DPP6: variants seen among roughly 807,000 people sequenced by gnomAD.
The protein encoded by DPP6 is A-type potassium channel modulatory protein DPP6.
DPP6 carries 69 observed loss-of-function variants against 122.6 expected under a neutral mutation model. That is an observed-to-expected ratio of 0.56 (90% CI 0.46 to 0.69). The LOEUF (loss-of-function observed/expected upper bound fraction) is 0.69, where lower values mean the gene tolerates loss of function less well. DPP6 is among the 30% of genes least tolerant of loss of function. The pLI is 0.00. For synonymous variants in DPP6, 418 were observed against 433.1 expected, an observed-to-expected ratio of 0.97 and a Z score of 0.43; for missense variants, 928 against 1,116.9, an observed-to-expected ratio of 0.83 and a Z score of 2.41.
intron 1 of DPP6, among the ~76,000 whole-genome samples, chr7:154,074,114 T>G (rs1173534974): frequency 1.1e-4 from 13 of 115,344 alleles, no homozygotes; most frequent in African/African-American, 4.0e-4. Flanking sequence ...GATAGAGAGA[T>G]ATATATAGAT....
intron 1 of DPP6, among the ~76,000 whole-genome samples, chr7:153,937,136 C>T (rs1371452885): frequency 6.6e-6 from 1 of 152,138 alleles, no homozygotes; most frequent in Non-Finnish European, 1.5e-5. Context: ...AGGAGAACCC[C>T]TTGACTCAGG....
intron 1 of DPP6, among the ~76,000 whole-genome samples, chr7:153,974,759 G>A (rs1171727064): frequency 2.6e-5 from 4 of 152,148 alleles, no homozygotes; most frequent in East Asian, 1.9e-4. Flanking sequence ...GAAGTCAAGC[G>A]CTGTGTCATC....
intron 1 of DPP6, among the ~76,000 whole-genome samples, chr7:154,178,035 A>C (rs536383747): frequency 6.6e-6 from 1 of 152,010 alleles, no homozygotes; most frequent in East Asian, 1.9e-4. Flanking sequence ...GAGTGGTTTC[A>C]CTCCTTTCAC....
At chr7:154,436,079 A>C (rs1674760371) in intron 1 of DPP6, among the ~76,000 whole-genome samples, 1 of 152,076 alleles carries the variant, frequency 6.6e-6, no homozygotes, top group African/African-American at 2.4e-5. Context: ...GAACTGAATA[A>C]TTAATATCTG....
chr7:154,784,702 A>G (rs1797234459), intron 10 of DPP6, among the ~76,000 whole-genome samples: 2 of 152,106 alleles, frequency 1.3e-5, no homozygotes, highest in Admixed American at 1.3e-4. Flanking sequence ...GTGACTCTGG[A>G]GAGCTCCATC....
chr7:153,827,090 A>C, the DPP6 span, among the ~76,000 whole-genome samples: 1 of 152,126 alleles, frequency 6.6e-6, no homozygotes, highest in Non-Finnish European at 1.5e-5. Context: ...GAAGGCATAA[A>C]TAAAAAAGTT....
At chr7:154,062,012 G>A (rs1454269872) in intron 1 of DPP6, among the ~76,000 whole-genome samples, 9 of 90,316 alleles carry the variant, frequency 1.0e-4, no homozygotes, top group African/African-American at 3.3e-4. Context: ...TACCCCCATC[G>A]CAGGGGGGGG....
chr7:153,913,113 C>T (rs757744841), intron 1 of DPP6, among the ~76,000 whole-genome samples: 22 of 152,168 alleles, frequency 1.4e-4, no homozygotes, highest in Non-Finnish European at 2.8e-4. Flanking sequence ...CTCACTCTGT[C>T]GCCCAGACTG....
intron 7 of DPP6, among the ~76,000 whole-genome samples, chr7:154,700,553 C>T (rs187602315): frequency 1.3e-5 from 2 of 152,324 alleles, no homozygotes; most frequent in East Asian, 1.9e-4. Flanking sequence ...TGCTGTTGCA[C>T]GTGATTTTCT....
chr7:153,954,623 A>AACTTCAAAT (rs1802374015), intron 1 of DPP6, among the ~76,000 whole-genome samples: 1 of 152,168 alleles, frequency 6.6e-6, no homozygotes, highest in African/African-American at 2.4e-5. Flanking sequence ...TACATCAGTG[A>AACTTCAAAT]ACTTCAAATA....
Position 154,023,357 on chromosome 7 carries a change from C to CACACACACACACACACACACACAT in DPP6, c.51+135627_51+135628insACACACACACACACACACATACAC, listed in dbSNP as rs1563109429. On this transcript the variant is annotated intron_variant, in intron 1 of 25. Coordinates refer to the DPP6 transcript ENST00000404039. ...ACACACACACACACACACACACACA[C>CACACACACACACACACACACACAT]ACACTTCTTAAGTCTGCATTCCCCA... is the stretch of plus-strand genomic sequence containing the variant. Among the ~76,000 whole-genome samples the CACACACACACACACACACACACAT allele has an allele frequency of 9.5e-4, 144 of 151,038 alleles. 1 individual carries two copies. Among genetic ancestry groups the CACACACACACACACACACACACAT allele is most frequent in the African/African-American group, 3.3e-3 (133 of 40,622 alleles).
At chr7:153,958,209 G>A (rs1795156305) in intron 1 of DPP6, among the ~76,000 whole-genome samples, 1 of 152,096 alleles carries the variant, frequency 6.6e-6, no homozygotes, top group African/African-American at 2.4e-5. Context: ...AATAGACAAT[G>A]GCTTGAACAC....
chr7:153,899,079 G>A (rs1408859375), intron 1 of DPP6, among the ~76,000 whole-genome samples: 1 of 152,018 alleles, frequency 6.6e-6, no homozygotes, highest in Non-Finnish European at 1.5e-5. Flanking sequence ...ATGCCCTCCT[G>A]TAGCTGCTGC....
At chr7:153,993,364 C>T (rs576863587) in intron 1 of DPP6, among the ~76,000 whole-genome samples, 36 of 152,250 alleles carry the variant, frequency 2.4e-4, no homozygotes, top group African/African-American at 8.2e-4. Flanking sequence ...CACTGATATT[C>T]GTTTAAATTT....
chr7:154,120,436 G>C (rs561902818), intron 1 of DPP6, among the ~76,000 whole-genome samples: 4 of 152,024 alleles, frequency 2.6e-5, no homozygotes, highest in African/African-American at 7.2e-5. Flanking sequence ...AGTAGAGACG[G>C]GGTTTCACCA....
intron 1 of DPP6, among the ~76,000 whole-genome samples, chr7:154,133,108 A>G (rs549870865): frequency 6.6e-6 from 1 of 152,280 alleles, no homozygotes; most frequent in Admixed American, 6.5e-5. Context: ...CTGGGACAGG[A>G]ATGTGTCAGA....
chr7:154,576,240 G>T (rs905020755), intron 5 of DPP6, among the ~76,000 whole-genome samples: 1 of 151,980 alleles, frequency 6.6e-6, no homozygotes, highest in Non-Finnish European at 1.5e-5. Flanking sequence ...AAATCAGGGC[G>T]CATCTCCGTC....
intron 1 of DPP6, among the ~76,000 whole-genome samples, chr7:154,169,968 C>T (rs1292214039): frequency 6.6e-6 from 1 of 152,152 alleles, no homozygotes; most frequent in African/African-American, 2.4e-5. Flanking sequence ...AGGTGATCCA[C>T]CCACCTCGGC....
At chr7:154,845,581 G>A (rs1584876970) in intron 16 of DPP6, among the ~76,000 whole-genome samples, 1 of 152,164 alleles carries the variant, frequency 6.6e-6, no homozygotes, top group Non-Finnish European at 1.5e-5. Flanking sequence ...GTTGATGGGT[G>A]CAGCACACCA....
Sources: gnomAD v4.1 joint callset for allele counts (sites outside exome capture counted in the v4.1 genomes callset) on GRCh38, gnomAD v4.1.1 for gene constraint, MANE v1.5 for transcripts, NCBI Gene and HGNC (gene_info 2026-07-23, HGNC 2026-07-21) for gene names.